Variants in ALG8 observed in about 807,000 individuals in gnomAD.
The protein encoded by ALG8 is dolichyl pyrophosphate Glc1Man9GlcNAc2 alpha-1,3-glucosyltransferase.
A neutral mutation model predicts 70.2 loss-of-function variants in ALG8; 48 were observed. The ratio of observed to expected loss-of-function variants is 0.68; its 90% CI spans 0.54 to 0.87. The LOEUF (loss-of-function observed/expected upper bound fraction) is 0.87, where lower values mean the gene tolerates loss of function less well. Ranked by LOEUF, ALG8 falls within the 40% of genes least tolerant of loss-of-function variation. The pLI is 0.00. For synonymous variants in ALG8, 234 were observed against 229.0 expected (o/e 1.02, Z -0.20); for missense variants, 572 against 608.7 (o/e 0.94, Z 0.64).
chr11:78,111,152 A>G (rs926880105), intron 8 of ALG8, among the ~76,000 whole-genome samples: 3 of 152,166 alleles, frequency 2.0e-5, no homozygotes, highest in Non-Finnish European at 4.4e-5. Flanking sequence ...AAAAACAGTA[A>G]TAGTGGCCAC....
chr11:78,126,529 T>C (rs548356903), intron 2 of ALG8, among the ~76,000 whole-genome samples: 1 of 88,198 alleles, frequency 1.1e-5, no homozygotes, highest in African/African-American at 6.8e-5. Context: ...CGAGACTCTG[T>C]CTCAAAAAAA....
At chr11:78,103,814 A>G (rs1322869848) in intron 12 of ALG8, among the ~76,000 whole-genome samples, 166 bp downstream of exon 12, 2 of 152,204 alleles carry the variant, frequency 1.3e-5, no homozygotes, top group Non-Finnish European at 2.9e-5. Context: ...TGTTGTCTCG[A>G]CTGAGTGATG....
At chr11:78,139,390 C>T (rs1247054403) in intron 1 of ALG8, 104 bp downstream of exon 1, 1 of 1,158,292 alleles carries the variant, frequency 8.6e-7, no homozygotes, top group Non-Finnish European at 1.3e-6. Context: ...ACAAACACGA[C>T]CTAAAGTTTT....
At chr11:78,112,504 T>A in intron 8 of ALG8, 146 bp downstream of exon 8, 1 of 1,202,788 alleles carries the variant, frequency 8.3e-7, no homozygotes. Flanking sequence ...CAAGAACTGC[T>A]CCCCCTGTTC....
At chr11:78,123,971 G>C in intron 3 of ALG8, 50 bp downstream of exon 3, 1 of 1,589,816 alleles carries the variant, frequency 6.3e-7, no homozygotes, top group Non-Finnish European at 8.6e-7. Flanking sequence ...ACTTAACACT[G>C]TACTATTTTT....
chr11:78,127,324 T>A, intron 2 of ALG8, 34 bp downstream of exon 2: 1 of 1,471,568 alleles, frequency 6.8e-7, no homozygotes, highest in Non-Finnish European at 9.2e-7. Flanking sequence ...TATAGATGAA[T>A]CTTAAAAAAA....
In ALG8 at chr11:78,113,991, T is replaced by C. The variant is rs1160670882; in HGVS notation, c.674-2A>G. The stretch of plus-strand genomic sequence containing the variant: ...AACTCTTCCATCGAATAGACCCATC[T>C]ACAGAAAAGGAACATTATCAGTAAC... On this transcript the variant is annotated splice_acceptor_variant, in intron 6 of 12. Coordinates refer to ENST00000299626, the MANE Select transcript of ALG8 (RefSeq NM_024079.5). LOFTEE classifies it high-confidence loss of function. The C allele has an allele frequency of 5.0e-6, 8 of 1,595,948 alleles. No homozygotes were observed. Among genetic ancestry groups the C allele is most frequent in the Non-Finnish European group, 6.8e-6 (8 of 1,170,254 alleles).
chr11:78,133,749 A>C (rs1039639575), intron 1 of ALG8, among the ~76,000 whole-genome samples: 1 of 152,068 alleles, frequency 6.6e-6, no homozygotes, highest in Non-Finnish European at 1.5e-5. Flanking sequence ...AAATACAAAA[A>C]AAATTAGCCG....
intron 1 of ALG8, among the ~76,000 whole-genome samples, chr11:78,129,010 C>T (rs75507976): frequency 0.22 from 33,023 of 151,934 alleles, 4,407 homozygotes; most frequent in African/African-American, 0.38. Flanking sequence ...GAATTTCCTA[C>T]AGATATTTCA....
chr11:78,125,029 TTTTC>T (rs1861002978), intron 2 of ALG8, among the ~76,000 whole-genome samples: 1 of 139,064 alleles, frequency 7.2e-6, no homozygotes, highest in South Asian at 2.2e-4. Context: ...TCTCTCTCAG[TTTTC>T]TTTTTCTTTT....
chr11:78,118,354 G>T (rs1021525044), intron 5 of ALG8, among the ~76,000 whole-genome samples: 2 of 152,148 alleles, frequency 1.3e-5, no homozygotes, highest in African/African-American at 4.8e-5. Flanking sequence ...AGTGGCTCAT[G>T]CCTGTAATCC....
At position 78,109,545 on chromosome 11, in the gene ALG8, G is replaced by A. The variant is rs749148249; in HGVS notation, c.935C>T (p.Pro312Leu). ...CAAACCACTTGTCATTGAGGCCTTG[G>A]GAATATTGTTGGGATCAAGAAATTT... ...KLKFLDPNNI[P>L]KASMTSGLVQ... The change falls in exon 9 of 13, where the codon CCC becomes CTC. Residue 312 changes from proline to leucine, a missense_variant. Pro to Leu is a moderately conservative substitution (Grantham distance 98, BLOSUM62 -3). Transcript: ENST00000299626. 6 of 1,613,814 alleles carry A rather than the reference G, an allele frequency of 3.7e-6. No homozygotes were observed. In the African/African-American group the frequency reaches 4.0e-5, roughly 11 times the overall value.
intron 8 of ALG8, 41 bp from the exon 9 acceptor site, chr11:78,109,622 A>G: frequency 6.5e-7 from 1 of 1,542,448 alleles, no homozygotes. Flanking sequence ...TTTTATCTTT[A>G]TTACTGAGAT....
At chr11:78,116,859 T>C (rs987376524) in intron 5 of ALG8, among the ~76,000 whole-genome samples, 1 of 152,178 alleles carries the variant, frequency 6.6e-6, no homozygotes, top group Non-Finnish European at 1.5e-5. Flanking sequence ...TCAGGTGCGG[T>C]CTAGAATTGG....
intron 8 of ALG8, among the ~76,000 whole-genome samples, chr11:78,111,009 T>C (rs543176213): frequency 6.6e-6 from 1 of 152,318 alleles, no homozygotes; most frequent in East Asian, 1.9e-4. Flanking sequence ...AAAGCTTTTT[T>C]TGAAATATGA....
At chr11:78,113,528 C>T (rs1417596719) in intron 7 of ALG8, among the ~76,000 whole-genome samples, 1 of 152,000 alleles carries the variant, frequency 6.6e-6, no homozygotes, top group African/African-American at 2.4e-5. Context: ...GCCTGACCAA[C>T]ATGTTGAAAC....
intron 1 of ALG8, among the ~76,000 whole-genome samples, chr11:78,133,082 G>T (rs660754): frequency 0.22 from 33,102 of 151,862 alleles, 4,449 homozygotes; most frequent in African/African-American, 0.38. Flanking sequence ...TGATCCGCCC[G>T]CCTCGGCCTC....
intron 5 of ALG8, among the ~76,000 whole-genome samples, chr11:78,117,225 C>G (rs966647716): frequency 6.6e-6 from 1 of 152,078 alleles, no homozygotes; most frequent in African/African-American, 2.4e-5. Flanking sequence ...AAATAACTTG[C>G]CTTCAGTTAA....
chr11:78,116,722 A>G (rs1218804747), intron 5 of ALG8, among the ~76,000 whole-genome samples: 1 of 151,912 alleles, frequency 6.6e-6, no homozygotes, highest in Non-Finnish European at 1.5e-5. Flanking sequence ...GTTGTCTTCA[A>G]AAAAAAAGAA....
Sources: gnomAD v4.1 joint callset for allele counts (sites outside exome capture counted in the v4.1 genomes callset) on GRCh38, gnomAD v4.1.1 for gene constraint, MANE v1.5 for transcripts, NCBI Gene and HGNC (gene_info 2026-07-23, HGNC 2026-07-21) for gene names.